Variants in DCDC2 observed in about 807,000 individuals in gnomAD.
DCDC2 encodes the protein doublecortin domain-containing protein 2.
A neutral mutation model predicts 50.2 loss-of-function variants in DCDC2; 40 were observed. That is an observed-to-expected ratio of 0.80 (90% CI 0.62 to 1.04). The LOEUF is 1.04. DCDC2 is among the 50% of genes least tolerant of loss of function. The probability of loss-of-function intolerance (pLI) is 0.00; values close to 1 mark genes in which losing one functional copy is unlikely to be tolerated. For missense variants in DCDC2, 570 were observed against 581.9 expected (o/e 0.98, Z 0.21); for synonymous variants, 234 against 210.6 (o/e 1.11, Z -0.96).
intron 7 of DCDC2, among the ~76,000 whole-genome samples, chr6:24,221,958 T>C (rs112693652): frequency 3.3e-5 from 5 of 152,344 alleles, no homozygotes; most frequent in African/African-American, 1.2e-4. Flanking sequence ...GGGAAAGCTA[T>C]GTTACTTTGA....
At chr6:24,360,084 C>T (rs1342315888), upstream of DCDC2, among the ~76,000 whole-genome samples, 1 of 152,204 alleles carries the variant, frequency 6.6e-6, no homozygotes. Context: ...CACGCTGTTC[C>T]TCCAGCTGCT....
intron 2 of DCDC2, among the ~76,000 whole-genome samples, chr6:24,336,202 G>A (rs1289451487): frequency 6.6e-6 from 1 of 152,182 alleles, no homozygotes; most frequent in Non-Finnish European, 1.5e-5. Context: ...GGTTCTGGCT[G>A]TCTTGATTTC....
At chr6:24,342,590 A>G (rs1760179542) in intron 2 of DCDC2, among the ~76,000 whole-genome samples, 1 of 152,216 alleles carries the variant, frequency 6.6e-6, no homozygotes, top group Non-Finnish European at 1.5e-5. Context: ...CCATCTTGGC[A>G]TACAACCGAA....
At chr6:24,378,431 C>T in the DCDC2 span, among the ~76,000 whole-genome samples, 5 of 152,256 alleles carry the variant, frequency 3.3e-5, no homozygotes, top group East Asian at 7.8e-4. Flanking sequence ...CTACCTCTGT[C>T]CCTTCTGCTG....
In DCDC2 at chr6:24,220,871, AGAGAGC is replaced by A. The variant is rs1471893813; in HGVS notation, c.923-15775_923-15770del. On this transcript the variant is annotated intron_variant, in intron 7 of 9. Coordinates refer to ENST00000378454, the MANE Select transcript of DCDC2 (RefSeq NM_016356.5). The stretch of plus-strand genomic sequence containing the variant: ...GGCGGCAGGAGAGAGACAGAGAGCA[AGAGAGC>A]GAGAGCGAGAGAGTGAGCGAGCGAG... 9.2e-3 allele frequency among the ~76,000 whole-genome samples: 221 copies of A among 23,900 alleles called. 2 individuals carry two copies. The highest frequency in any genetic ancestry group is 0.088 in the Middle Eastern group (3 of 34). 15.7% of individuals were successfully genotyped at this position (23,900 alleles called of 152,430 possible).
In DCDC2 at chr6:24,178,702, T is replaced by G. The variant is rs936676861; in HGVS notation, c.1024-70A>C. The G allele has an allele frequency of 5.7e-6, 8 of 1,394,044 alleles. No individual in the cohort carries two copies. The African/African-American group carries it at 1.0e-4, about 17-fold the overall frequency. The allele number at this position is 1,394,044 out of a possible 1,614,324, so 86.4% of individuals were successfully genotyped here. On this transcript the variant is annotated intron_variant, in intron 8 of 9. Coordinates refer to ENST00000378454, the MANE Select transcript of DCDC2 (RefSeq NM_016356.5). ...AGAACATTTCCACTGCACATCATAG[T>G]AATGTAATACTTATATTACAGTCAA... is the stretch of plus-strand genomic sequence containing the variant.
At chr6:24,224,606 G>A (rs1034041944) in intron 7 of DCDC2, among the ~76,000 whole-genome samples, 1 of 152,190 alleles carries the variant, frequency 6.6e-6, no homozygotes, top group South Asian at 2.1e-4. Flanking sequence ...GAAGCCGGAA[G>A]GTAAAAGGCT....
chr6:24,261,183 C>T (rs1763000089), intron 7 of DCDC2, among the ~76,000 whole-genome samples: 2 of 144,136 alleles, frequency 1.4e-5, no homozygotes, highest in Non-Finnish European at 3.0e-5. Flanking sequence ...TCATTAAGTA[C>T]ATTTTAAATC....
intron 2 of DCDC2, among the ~76,000 whole-genome samples, chr6:24,321,352 GTAAT>G (rs1235450781): frequency 6.6e-6 from 1 of 152,082 alleles, no homozygotes; most frequent in Non-Finnish European, 1.5e-5. Context: ...CCACAAGACG[GTAAT>G]TAATTACAAA....
At chr6:24,280,826 C>A (rs953924266) in intron 6 of DCDC2, among the ~76,000 whole-genome samples, 3 of 152,114 alleles carry the variant, frequency 2.0e-5, no homozygotes, top group Admixed American at 2.0e-4. Context: ...CATGTGTGAG[C>A]CACTGCACAT....
At chr6:24,374,604 AG>A in the DCDC2 span, among the ~76,000 whole-genome samples, 1 of 131,408 alleles carries the variant, frequency 7.6e-6, no homozygotes, top group African/African-American at 2.8e-5. Context: ...AAAAAATGGA[AG>A]GGCCCCTCAG....
chr6:24,212,740 C>A (rs1410529164), intron 7 of DCDC2, among the ~76,000 whole-genome samples: 1 of 152,166 alleles, frequency 6.6e-6, no homozygotes, highest in Non-Finnish European at 1.5e-5. Flanking sequence ...GTGTATATTA[C>A]ACGGTAAAGC....
In DCDC2 at chr6:24,357,730, C is replaced by A; in HGVS notation, c.21G>T (p.Arg7Ser). Residue 7 changes from arginine (R) to serine (S), a missense_variant, in exon 1 of 10, where the codon AGG (arginine) becomes AGT (serine). Physicochemically the swap from Arg to Ser is moderately radical, Grantham distance 110 (BLOSUM62 -1). Transcript: ENST00000378454. ...CGACGGGCTGAGACAGGTGGCTGGACCTGGCGCTGCTGCCGCTCATCTTCC... is the reference window on the plus strand; with the variant it reads ...CGACGGGCTGAGACAGGTGGCTGGAACTGGCGCTGCTGCCGCTCATCTTCC... MSGSSA[R>S]SSHLSQPVVK... 6.2e-7 allele frequency: 1 copy of A among 1,612,494 alleles called. No individual in the cohort carries two copies. Among genetic ancestry groups the A allele is most frequent in the Non-Finnish European group, 8.5e-7 (1 of 1,179,424 alleles).
chr6:24,381,862 AAAT>A, the DCDC2 span, among the ~76,000 whole-genome samples: 1 of 38,800 alleles, frequency 2.6e-5, no homozygotes, highest in Non-Finnish European at 6.6e-5. Flanking sequence ...AAGGAAGGAG[AAAT>A]AAAAGAAAGA....
At chr6:24,358,810 A>T (rs1328696954), upstream of DCDC2, among the ~76,000 whole-genome samples, 1 of 30,066 alleles carries the variant, frequency 3.3e-5, no homozygotes, top group African/African-American at 1.1e-4. Flanking sequence ...TATATATTAT[A>T]TATAAATATA....
chr6:24,302,437 C>T (rs756857573), intron 2 of DCDC2, among the ~76,000 whole-genome samples: 2 of 151,846 alleles, frequency 1.3e-5, no homozygotes, highest in Non-Finnish European at 2.9e-5. Flanking sequence ...TACTGTGTTC[C>T]ATCATCTTTC....
At chr6:24,184,425 T>C (rs930741238) in intron 8 of DCDC2, among the ~76,000 whole-genome samples, 1 of 151,882 alleles carries the variant, frequency 6.6e-6, no homozygotes. Context: ...ATACAAAAAA[T>C]TAGCCGGGCT....
At chr6:24,239,974 C>G (rs1356982355) in intron 7 of DCDC2, among the ~76,000 whole-genome samples, 1 of 152,026 alleles carries the variant, frequency 6.6e-6, no homozygotes, top group Non-Finnish European at 1.5e-5. Context: ...AATATCACAC[C>G]AATCCAAGCT....
intron 4 of DCDC2, among the ~76,000 whole-genome samples, chr6:24,291,810 T>G (rs1763759274): frequency 6.6e-6 from 1 of 152,206 alleles, no homozygotes; most frequent in Admixed American, 6.5e-5. Flanking sequence ...AATTTTATTT[T>G]CTTAGCATAT....
Sources: gnomAD v4.1 joint callset for allele counts (sites outside exome capture counted in the v4.1 genomes callset) on GRCh38, gnomAD v4.1.1 for gene constraint, MANE v1.5 for transcripts, NCBI Gene and HGNC (gene_info 2026-07-23, HGNC 2026-07-21) for gene names.